The following TCF4 variants were observed in gnomAD, a reference collection of about 807,000 sequenced individuals.
TCF4 encodes the protein SL3-3 enhancer factor 2.
A neutral mutation model predicts 82.1 loss-of-function variants in TCF4; 3 were observed. The ratio of observed to expected loss-of-function variants is 0.04; its 90% CI spans 0.02 to 0.09. The LOEUF is 0.09. Among genes scored for constraint, TCF4 ranks in the 10% least tolerant of loss-of-function variants. TCF4 has a pLI of 1.00. For synonymous variants in TCF4, 276 were observed against 309.6 expected (o/e 0.89, Z 1.14); for missense variants, 518 against 852.7 (o/e 0.61, Z 4.89).
intron 17 of TCF4, chr18:55,231,966 A>G (rs948338870): frequency 1.3e-5 from 2 of 152,794 alleles, no homozygotes; most frequent in African/African-American, 4.8e-5. Context: ...GCAGATATTT[A>G]AGAAAACCAG....
intron 3 of TCF4, among the ~76,000 whole-genome samples, chr18:55,467,488 T>A (rs570472104): frequency 2.2e-4 from 34 of 152,272 alleles, no homozygotes; most frequent in Admixed American, 1.4e-3. Flanking sequence ...CCCAGGTAAC[T>A]TTTATGCACA....
intron 3 of TCF4, among the ~76,000 whole-genome samples, chr18:55,531,700 C>T (rs2097065331): frequency 6.6e-6 from 1 of 152,208 alleles, no homozygotes; most frequent in Admixed American, 6.5e-5. Flanking sequence ...CCAGTCCTCA[C>T]TGGATGGCTC....
intron 15 of TCF4, among the ~76,000 whole-genome samples, chr18:55,252,358 T>TTGTGTG (rs3831430): frequency 2.4e-4 from 36 of 149,900 alleles, no homozygotes; most frequent in East Asian, 5.9e-4. Flanking sequence ...TTTATTGCTT[T>TTGTGTG]TGTGTGTGTG....
chr18:55,342,963 G>A (rs78171162), intron 8 of TCF4, among the ~76,000 whole-genome samples: 1,933 of 152,206 alleles, frequency 0.013, 50 homozygotes, highest in African/African-American at 0.042. Flanking sequence ...TATTATAAGC[G>A]TAATTCAGGA....
At chr18:55,477,541 T>C (rs76577540) in intron 3 of TCF4, among the ~76,000 whole-genome samples, 11,799 of 152,246 alleles carry the variant, frequency 0.077, 787 homozygotes, top group East Asian at 0.39. Flanking sequence ...GTCTCCCCTC[T>C]GTGTGTCCTT....
At chr18:55,426,860 A>T (rs917760739) in intron 5 of TCF4, among the ~76,000 whole-genome samples, 3 of 152,164 alleles carry the variant, frequency 2.0e-5, no homozygotes, top group Non-Finnish European at 4.4e-5. Flanking sequence ...AGACACACAA[A>T]GACACACACA....
At chr18:55,308,149 G>T (rs913437264) in intron 8 of TCF4, among the ~76,000 whole-genome samples, 2 of 152,172 alleles carry the variant, frequency 1.3e-5, no homozygotes, top group African/African-American at 4.8e-5. Context: ...CTACTTAAGT[G>T]ACACAACTTT....
intron 3 of TCF4, among the ~76,000 whole-genome samples, chr18:55,528,014 T>C (rs2097010690): frequency 6.6e-6 from 1 of 152,182 alleles, no homozygotes. Flanking sequence ...CTTGAAACTC[T>C]TTTGTTGAAT....
At chr18:55,399,423 C>T (rs2093673585) in intron 6 of TCF4, among the ~76,000 whole-genome samples, 1 of 152,136 alleles carries the variant, frequency 6.6e-6, no homozygotes, top group Non-Finnish European at 1.5e-5. Flanking sequence ...ACTGTATCAG[C>T]AAAGTCCTAT....
chr18:55,232,392 C>A (rs2048161983), intron 17 of TCF4, 117 bp downstream of exon 17: 2 of 1,184,280 alleles, frequency 1.7e-6, no homozygotes, highest in African/African-American at 3.0e-5. Context: ...CTTTAATTTT[C>A]TTTTCAGCTG....
chr18:55,290,762 T>A lies in TCF4; in HGVS notation c.550-11106A>T, dbSNP rs911335361. ...AAGAGCGATCAGGAAGAAAGTTGCATCAGACACAAGCAGAAAGTCACACTT... is the reference window on the plus strand; with the variant it reads ...AAGAGCGATCAGGAAGAAAGTTGCAACAGACACAAGCAGAAAGTCACACTT... On this transcript the variant is annotated intron_variant, in intron 8 of 19. Coordinates refer to ENST00000354452, the MANE Select transcript of TCF4 (RefSeq NM_001083962.2). Among the ~76,000 whole-genome samples the A allele has an allele frequency of 3.9e-5, 6 of 152,040 alleles. No homozygotes were observed. The South Asian group carries it at 1.2e-3, about 32-fold the overall frequency.
chr18:55,608,606 A>C (rs1397537049), intron 2 of TCF4, among the ~76,000 whole-genome samples: 1 of 152,086 alleles, frequency 6.6e-6, no homozygotes, highest in Non-Finnish European at 1.5e-5. Context: ...ATTTTTATAG[A>C]GCATGTTAGG....
chr18:55,481,835 C>T (rs187029075), intron 3 of TCF4, among the ~76,000 whole-genome samples: 44 of 152,280 alleles, frequency 2.9e-4, no homozygotes, highest in African/African-American at 3.8e-4. Flanking sequence ...CTAATGACTG[C>T]GATACGTTAT....
chr18:55,242,327 G>A (rs1599822222), intron 15 of TCF4, among the ~76,000 whole-genome samples: 1 of 152,136 alleles, frequency 6.6e-6, no homozygotes, highest in African/African-American at 2.4e-5. Context: ...CCATTTGTGG[G>A]CATCCCATCC....
chr18:55,445,759 C>A (rs1211379387), intron 5 of TCF4, among the ~76,000 whole-genome samples: 1 of 152,194 alleles, frequency 6.6e-6, no homozygotes, highest in East Asian at 1.9e-4. Context: ...TCTTCCAGCT[C>A]CCAAGGCTCT....
At chr18:55,356,531 T>C (rs929277501) in intron 6 of TCF4, among the ~76,000 whole-genome samples, 3 of 152,278 alleles carry the variant, frequency 2.0e-5, no homozygotes, top group East Asian at 1.9e-4. Flanking sequence ...AATTCAACTA[T>C]AGGTAAGATC....
chr18:55,369,280 G>T (rs2088203855), intron 6 of TCF4, among the ~76,000 whole-genome samples: 1 of 152,152 alleles, frequency 6.6e-6, no homozygotes, highest in South Asian at 2.1e-4. Flanking sequence ...CAGCAGTGGG[G>T]TTAAAAATCT....
intron 3 of TCF4, among the ~76,000 whole-genome samples, chr18:55,510,375 C>T (rs2096813173): frequency 6.6e-6 from 1 of 151,984 alleles, no homozygotes; most frequent in Admixed American, 6.6e-5. Context: ...TATAATATTC[C>T]ACATTACTTT....
At chr18:55,590,294 G>A (rs1418629796), upstream of TCF4, among the ~76,000 whole-genome samples, 1 of 152,168 alleles carries the variant, frequency 6.6e-6, no homozygotes, top group East Asian at 1.9e-4. Flanking sequence ...AAAGGCCTCT[G>A]GGCCAAGTTG....
Sources: allele counts gnomAD v4.1 joint callset (sites outside exome capture counted in the v4.1 genomes callset), GRCh38; gene constraint gnomAD v4.1.1; transcripts MANE v1.5; gene names NCBI Gene and HGNC (gene_info 2026-07-23, HGNC 2026-07-21).